The following SPPL3 variants were observed in gnomAD, a reference collection of about 807,000 sequenced individuals.
The protein encoded by SPPL3 is signal peptide peptidase like 3.
In SPPL3, 5 loss-of-function variants were observed where a neutral mutation model predicts 42.4. The observed-to-expected ratio is 0.12, with a 90% confidence interval of 0.06 to 0.25. SPPL3 has a LOEUF of 0.25. SPPL3 is among the 10% of genes least tolerant of loss of function. The pLI, the probability that SPPL3 is intolerant of heterozygous loss-of-function variation, is 1.00. For synonymous variants in SPPL3, 195 were observed against 181.8 expected, an observed-to-expected ratio of 1.07 and a Z score of -0.58; for missense variants, 235 against 489.0, an observed-to-expected ratio of 0.48 and a Z score of 4.90.
Position 120,766,331 on chromosome 12 carries a change from C to T in SPPL3, c.1015G>A (p.Ala339Thr), listed in dbSNP as rs773545219. 1.3e-6 allele frequency: 2 copies of T among 1,599,976 alleles called. No individual in the cohort carries two copies. The highest frequency in any genetic ancestry group is 1.7e-5 in the Admixed American group (1 of 57,548). ...ATVASRIHRA[A>T]QPALLYLVPF... ...ACCAAATAGAGAAGGGCGGGCTGGG[C>T]GGCCCGGTGAATGCGAGACGCCACA... The change falls in exon 10 of 11, where the codon GCC (alanine) becomes ACC (threonine). Residue 339 changes from alanine to threonine, a missense_variant. Physicochemically the swap from Ala to Thr is moderately conservative, Grantham distance 58. Transcript: ENST00000353487.
At chr12:120,768,723 C>T in intron 7 of SPPL3, 1 of 632,326 alleles carries the variant, frequency 1.6e-6, no homozygotes, top group Non-Finnish European at 2.7e-6. Flanking sequence ...ATCTTGTCAG[C>T]CTGTTACCTC....
chr12:120,837,781 T>A (rs1871672238), intron 1 of SPPL3, among the ~76,000 whole-genome samples: 1 of 152,206 alleles, frequency 6.6e-6, no homozygotes, highest in African/African-American at 2.4e-5. Flanking sequence ...ATCCTGATTT[T>A]TAAAATAATG....
chr12:120,825,642 T>C (rs1348732247), intron 1 of SPPL3, among the ~76,000 whole-genome samples: 1 of 152,348 alleles, frequency 6.6e-6, no homozygotes, highest in African/African-American at 2.4e-5. Context: ...TATGGTGTAC[T>C]TGAAGTCAAG....
intron 1 of SPPL3, among the ~76,000 whole-genome samples, chr12:120,866,567 T>C (rs2137046304): frequency 6.6e-6 from 1 of 152,280 alleles, no homozygotes; most frequent in South Asian, 2.1e-4. Flanking sequence ...GAAAAAGGCA[T>C]GTTCAAAAAA....
At chr12:120,766,005 C>T (rs892854281) in intron 10 of SPPL3, among the ~76,000 whole-genome samples, 3 of 152,108 alleles carry the variant, frequency 2.0e-5, no homozygotes, top group South Asian at 2.1e-4. Context: ...AGTTATTCCT[C>T]GACCAGGTGG....
chr12:120,812,301 T>C (rs146698756), intron 1 of SPPL3, among the ~76,000 whole-genome samples: 1 of 152,116 alleles, frequency 6.6e-6, no homozygotes, highest in East Asian at 1.9e-4. Flanking sequence ...CTGGCTAATT[T>C]TTGTATTTTT....
intron 1 of SPPL3, among the ~76,000 whole-genome samples, chr12:120,901,394 C>A (rs529559754): frequency 6.6e-6 from 1 of 151,852 alleles, no homozygotes; most frequent in South Asian, 2.1e-4. Flanking sequence ...AGTTTGAGAC[C>A]AGCCTGGCCA....
intron 2 of SPPL3, among the ~76,000 whole-genome samples, chr12:120,793,260 A>G (rs964610206): frequency 1.3e-5 from 2 of 152,244 alleles, no homozygotes; most frequent in African/African-American, 4.8e-5. Context: ...CTGGAATCCC[A>G]GCACTTTGAG....
intron 1 of SPPL3, among the ~76,000 whole-genome samples, chr12:120,826,911 A>C (rs764266947): frequency 2.6e-5 from 4 of 152,114 alleles, no homozygotes; most frequent in Non-Finnish European, 5.9e-5. Flanking sequence ...AATCCTGACA[A>C]AATTGAGACA....
chr12:120,809,751 G>C (rs939619933), intron 2 of SPPL3, among the ~76,000 whole-genome samples: 2 of 152,078 alleles, frequency 1.3e-5, no homozygotes, highest in African/African-American at 4.8e-5. Context: ...GCATCTCCAA[G>C]GTTATCAGAG....
At chr12:120,846,649 A>G (rs1374058945) in intron 1 of SPPL3, among the ~76,000 whole-genome samples, 1 of 152,208 alleles carries the variant, frequency 6.6e-6, no homozygotes, top group Non-Finnish European at 1.5e-5. Context: ...AACTTGCAAC[A>G]AATTAGATAA....
chr12:120,902,614 G>C (rs1874016950), intron 1 of SPPL3, among the ~76,000 whole-genome samples: 1 of 152,192 alleles, frequency 6.6e-6, no homozygotes, highest in African/African-American at 2.4e-5. Context: ...AACAAAGCAA[G>C]TTGGTGGCAA....
At chr12:120,899,878 G>A (rs994495440) in intron 1 of SPPL3, among the ~76,000 whole-genome samples, 1 of 86,204 alleles carries the variant, frequency 1.2e-5, no homozygotes, top group East Asian at 3.9e-4. Context: ...GACAGAGCAA[G>A]ACCCTGTCTC....
intron 1 of SPPL3, among the ~76,000 whole-genome samples, chr12:120,878,464 A>G (rs1224891691): frequency 6.6e-6 from 1 of 152,208 alleles, no homozygotes; most frequent in Non-Finnish European, 1.5e-5. Context: ...TTGGGTCTCA[A>G]TTCAGCTGAT....
At chr12:120,838,985 T>C (rs1382323658) in intron 1 of SPPL3, among the ~76,000 whole-genome samples, 1 of 152,132 alleles carries the variant, frequency 6.6e-6, no homozygotes, top group Non-Finnish European at 1.5e-5. Flanking sequence ...AAATACCATT[T>C]GACCCAGCCA....
At chr12:120,784,822 A>G (rs926144075) in intron 3 of SPPL3, among the ~76,000 whole-genome samples, 4 of 152,152 alleles carry the variant, frequency 2.6e-5, no homozygotes, top group African/African-American at 9.7e-5. Flanking sequence ...GTTGAAGTGA[A>G]CTACTACCTC....
chr12:120,783,928 G>A (rs2136979493), intron 4 of SPPL3, among the ~76,000 whole-genome samples, 176 bp from the exon 5 acceptor site: 1 of 152,240 alleles, frequency 6.6e-6, no homozygotes, highest in South Asian at 2.1e-4. Flanking sequence ...AAAAGTACCT[G>A]ATTTGAAGTA....
intron 1 of SPPL3, among the ~76,000 whole-genome samples, chr12:120,831,811 T>C (rs590556): frequency 0.93 from 140,985 of 152,184 alleles, 65,654 homozygotes; most frequent in East Asian, 1. Flanking sequence ...AATCTGATAA[T>C]TGCCACCCCC....
intron 1 of SPPL3, among the ~76,000 whole-genome samples, chr12:120,842,483 T>A (rs2137027064): frequency 6.6e-6 from 1 of 152,282 alleles, no homozygotes; most frequent in South Asian, 2.1e-4. Flanking sequence ...AAGGAAAAAT[T>A]AGTCCATTTG....
Sources: gnomAD v4.1 joint callset for allele counts (sites outside exome capture counted in the v4.1 genomes callset) on GRCh38, gnomAD v4.1.1 for gene constraint, MANE v1.5 for transcripts, NCBI Gene and HGNC (gene_info 2026-07-23, HGNC 2026-07-21) for gene names.